Variants in EZH2 observed in about 807,000 individuals in gnomAD.
The protein encoded by EZH2 is histone-lysine N-methyltransferase EZH2.
EZH2 carries 18 observed loss-of-function variants against 98.4 expected under a neutral mutation model. The observed-to-expected ratio is 0.18, with a 90% CI of 0.13 to 0.27. The LOEUF (loss-of-function observed/expected upper bound fraction) is 0.27. Ranked by LOEUF, EZH2 falls within the 10% of genes least tolerant of loss-of-function variation. EZH2 has a pLI of 1.00. For missense variants in EZH2, 470 were observed against 935.1 expected, an observed-to-expected ratio of 0.50 and a Z score of 6.49; for synonymous variants, 338 against 312.3, an observed-to-expected ratio of 1.08 and a Z score of -0.87.
Position 148,807,609 on chromosome 7 carries a change from C to CA in EZH2, c.*36dup. On this transcript the variant is annotated 3_prime_UTR_variant, in exon 20 of 20. Transcript: ENST00000320356. ...GTACTCGAGGTTCCTGAAGCTAAGG[C>CA]AGCTGTTTCAGAGGAGGGGGGAGGA... 6.8e-7 allele frequency: 1 copy of CA among 1,481,076 alleles called. No individual in the cohort carries two copies. The highest frequency in any genetic ancestry group is 1.2e-5 in the South Asian group (1 of 83,562). The allele number at this position is 1,481,076 out of a possible 1,614,324, so 91.7% of individuals were successfully genotyped here. A position where few individuals can be genotyped will look rare whatever the true frequency, so the allele number is the denominator to read the frequency against.
intron 3 of EZH2, among the ~76,000 whole-genome samples, chr7:148,843,847 G>T (rs971488459): frequency 2.6e-5 from 4 of 151,764 alleles, no homozygotes; most frequent in Non-Finnish European, 5.9e-5. Flanking sequence ...CGCCCGCCTC[G>T]GCCTCCCAAA....
At chr7:148,863,869 T>C (rs1312495655) in intron 1 of EZH2, among the ~76,000 whole-genome samples, 1 of 152,132 alleles carries the variant, frequency 6.6e-6, no homozygotes, top group Non-Finnish European at 1.5e-5. Flanking sequence ...CTGTGAGAGA[T>C]CTATCGAAAT....
intron 8 of EZH2, 28 bp from the exon 9 acceptor site, chr7:148,819,715 A>AAT (rs779073169): frequency 6.3e-7 from 1 of 1,584,264 alleles, no homozygotes; most frequent in Non-Finnish European, 8.7e-7. Context: ...CAAAGAATCT[A>AAT]ATATAACTAT....
chr7:148,873,264 G>A (rs1357796578), intron 1 of EZH2, among the ~76,000 whole-genome samples: 1 of 151,998 alleles, frequency 6.6e-6, no homozygotes, highest in Non-Finnish European at 1.5e-5. Flanking sequence ...GGCCAAGGCA[G>A]GCAGATCACC....
At chr7:148,867,235 AG>A (rs540637269) in intron 1 of EZH2, among the ~76,000 whole-genome samples, 67 of 152,196 alleles carry the variant, frequency 4.4e-4, no homozygotes, top group African/African-American at 1.6e-3. Context: ...CTGAGGCAGG[AG>A]AATCACTTGA....
intron 3 of EZH2, among the ~76,000 whole-genome samples, chr7:148,838,335 C>T (rs900055775): frequency 6.6e-6 from 1 of 151,998 alleles, no homozygotes; most frequent in African/African-American, 2.4e-5. Context: ...CTTCAGAAGC[C>T]GGGCCCTGAA....
rs571262456 is a variant in EZH2, at chr7:148,841,495, G to GT, written c.246+4974dup. ...ATGAGTGTATATGTTCAGACTAAGA[G>GT]TAAGACAGACACTTGAAGAGCCATC... is the stretch of plus-strand genomic sequence containing the variant. On this transcript the variant is annotated intron_variant, in intron 3 of 19. Coordinates refer to ENST00000320356, the MANE Select transcript of EZH2 (RefSeq NM_004456.5). Among the ~76,000 whole-genome samples the GT allele has an allele frequency of 2.2e-4, 34 of 152,260 alleles. 1 individual carries two copies. The South Asian group carries it at 6.8e-3, about 31-fold the overall frequency.
intron 1 of EZH2, among the ~76,000 whole-genome samples, chr7:148,854,474 A>C (rs1816454015): frequency 6.6e-6 from 1 of 152,096 alleles, no homozygotes; most frequent in Non-Finnish European, 1.5e-5. Flanking sequence ...AGGATTTGCT[A>C]AATCAAGGGA....
At chr7:148,831,643 A>C (rs1809426382) in intron 4 of EZH2, among the ~76,000 whole-genome samples, 1 of 152,192 alleles carries the variant, frequency 6.6e-6, no homozygotes, top group Non-Finnish European at 1.5e-5. Flanking sequence ...AGGTCATGCA[A>C]TGTAATTCTC....
At chr7:148,828,600 T>C (rs982423321) in intron 6 of EZH2, 140 bp downstream of exon 6, 2 of 1,156,868 alleles carry the variant, frequency 1.7e-6, no homozygotes, top group South Asian at 1.6e-5. Context: ...AATATGTTAA[T>C]TTTGATTATA....
At chr7:148,868,139 T>C (rs766458617) in intron 1 of EZH2, among the ~76,000 whole-genome samples, 3 of 152,206 alleles carry the variant, frequency 2.0e-5, no homozygotes, top group African/African-American at 4.8e-5. Context: ...CCTGTGCCCA[T>C]TACTCAGTCC....
rs1047323722 is a variant in EZH2, at chr7:148,843,408, A to C, written c.246+3062T>G. Among the ~76,000 whole-genome samples, 6 of 151,852 alleles carry C rather than the reference A, an allele frequency of 4.0e-5. No homozygotes were observed. In the East Asian group the frequency reaches 1.2e-3, roughly 30 times the overall value. ...AAACCACACACAGTAAGAAAACCACATACTGGAGATGTGGTCTTTGGGTTC... is the reference window on the plus strand; with the variant it reads ...AAACCACACACAGTAAGAAAACCACCTACTGGAGATGTGGTCTTTGGGTTC... On this transcript the variant is annotated intron_variant, in intron 3 of 19. Coordinates refer to ENST00000320356, the MANE Select transcript of EZH2 (RefSeq NM_004456.5).
intron 1 of EZH2, among the ~76,000 whole-genome samples, chr7:148,863,846 A>C (rs1818057743): frequency 6.6e-6 from 1 of 152,198 alleles, no homozygotes; most frequent in Non-Finnish European, 1.5e-5. Flanking sequence ...GAGCATTCCA[A>C]AAGTGTTAAA....
At chr7:148,857,503 G>A (rs905856564) in intron 1 of EZH2, among the ~76,000 whole-genome samples, 3 of 152,192 alleles carry the variant, frequency 2.0e-5, no homozygotes, top group Admixed American at 2.0e-4. Flanking sequence ...GTTAATCCCA[G>A]CACTTTGGGA....
intron 3 of EZH2, among the ~76,000 whole-genome samples, chr7:148,837,836 G>A (rs1015858439): frequency 6.6e-6 from 1 of 152,188 alleles, no homozygotes; most frequent in Non-Finnish European, 1.5e-5. Flanking sequence ...AAATGAAAAA[G>A]AGTAATTCAT....
intron 17 of EZH2, among the ~76,000 whole-genome samples, chr7:148,809,964 C>G (rs1037558941): frequency 6.6e-6 from 1 of 152,240 alleles, no homozygotes; most frequent in Non-Finnish European, 1.5e-5. Flanking sequence ...AAGATGGTTG[C>G]AAATGCAGTG....
intron 1 of EZH2, among the ~76,000 whole-genome samples, chr7:148,854,031 A>G (rs1307191604): frequency 6.6e-6 from 1 of 151,986 alleles, no homozygotes; most frequent in Non-Finnish European, 1.5e-5. Context: ...ATACGCCCCT[A>G]CTCCACTTGT....
intron 6 of EZH2, among the ~76,000 whole-genome samples, chr7:148,827,883 C>T (rs1324304420): frequency 5.3e-5 from 8 of 152,076 alleles, no homozygotes; most frequent in Non-Finnish European, 1.0e-4. Context: ...TTTGGGAGGC[C>T]GAGGCAGGTG....
chr7:148,813,088 G>A (rs960650920), intron 15 of EZH2, among the ~76,000 whole-genome samples: 7 of 148,040 alleles, frequency 4.7e-5, no homozygotes, highest in Non-Finnish European at 1.0e-4. Context: ...CACACACAGA[G>A]CATAAGAGCA....
Sources: gnomAD v4.1 joint callset for allele counts (sites outside exome capture counted in the v4.1 genomes callset) on GRCh38, gnomAD v4.1.1 for gene constraint, MANE v1.5 for transcripts, NCBI Gene and HGNC (gene_info 2026-07-23, HGNC 2026-07-21) for gene names.